GON4L: variants seen among roughly 807,000 people sequenced by gnomAD.
GON4L encodes the protein gon-4 like, also known as GON-4-like protein.
In GON4L, 87 loss-of-function variants were observed where a neutral mutation model predicts 211.8. The observed-to-expected ratio is 0.41, with a 90% CI of 0.35 to 0.49. The LOEUF is 0.49. Ranked by LOEUF, GON4L falls within the 20% of genes least tolerant of loss-of-function variation. The pLI is 0.15. For synonymous variants in GON4L, 875 were observed against 962.6 expected, an observed-to-expected ratio of 0.91 and a Z score of 1.68; for missense variants, 2,155 against 2,659.5, an observed-to-expected ratio of 0.81 and a Z score of 4.17.
chr1:155,852,791 G>A (rs1671927127), intron 2 of GON4L, among the ~76,000 whole-genome samples: 1 of 151,144 alleles, frequency 6.6e-6, no homozygotes, highest in Admixed American at 6.6e-5. Flanking sequence ...CGAATGGGAG[G>A]GGAAAAGAAA....
At chr1:155,829,541 A>C (rs1438594799) in intron 2 of GON4L, among the ~76,000 whole-genome samples, 1 of 151,946 alleles carries the variant, frequency 6.6e-6, no homozygotes, top group Non-Finnish European at 1.5e-5. Flanking sequence ...CAGAGGTTGC[A>C]GTGAGCCAAG....
chr1:155,745,691 A>T, downstream of GON4L: 1 of 753,290 alleles, frequency 1.3e-6, no homozygotes, highest in Non-Finnish European at 2.1e-6. Flanking sequence ...TCGGCGCATC[A>T]TTTCTCCAAT....
chr1:155,810,210 G>A (rs1667620121), intron 10 of GON4L, among the ~76,000 whole-genome samples: 2 of 150,894 alleles, frequency 1.3e-5, no homozygotes, highest in East Asian at 2.0e-4. Flanking sequence ...TGACCAGGCT[G>A]GTCTCAAACC....
chr1:155,801,112 C>CAAAAAAAAAAAAAAAAAAA (rs367752032), intron 11 of GON4L, among the ~76,000 whole-genome samples: 1 of 73,634 alleles, frequency 1.4e-5, no homozygotes, highest in African/African-American at 6.1e-5. Flanking sequence ...TGCTGCTGCT[C>CAAAAAAAAAAAAAAAAAAA]AAAAAAAAAA....
intron 20 of GON4L, chr1:155,766,996 A>T (rs1662574725): frequency 1.8e-6 from 1 of 548,808 alleles, no homozygotes; most frequent in African/African-American, 1.9e-5. Context: ...CGAGAAGCCG[A>T]GATCGCACCT....
chr1:155,748,537 A>G, downstream of GON4L: 2 of 1,613,784 alleles, frequency 1.2e-6, no homozygotes, highest in Admixed American at 3.3e-5. Flanking sequence ...AAAAGGTATG[A>G]AGCTTTGTGA....
chr1:155,819,483 T>C (rs1312384826), intron 6 of GON4L, among the ~76,000 whole-genome samples: 1 of 152,014 alleles, frequency 6.6e-6, no homozygotes, highest in East Asian at 1.9e-4. Flanking sequence ...CTTGAACTCC[T>C]GGCTTCAAGC....
In GON4L at chr1:155,797,315, A is replaced by C. The variant is rs1666161821; in HGVS notation, c.1646-2164T>G. Among the ~76,000 whole-genome samples, 4 of 151,578 alleles carry C rather than the reference A, an allele frequency of 2.6e-5. No homozygotes were observed. In the South Asian group the frequency reaches 8.3e-4, roughly 32 times the overall value. Reference sequence around the variant, plus strand: ...TTTTTAGTAGAGACGGCGTTTCACCATGTTGGTCAGGCTGGTCTCAAACTC... The same window carrying C: ...TTTTTAGTAGAGACGGCGTTTCACCCTGTTGGTCAGGCTGGTCTCAAACTC... On this transcript the variant is annotated intron_variant, in intron 11 of 31. Coordinates refer to ENST00000368331, the MANE Select transcript of GON4L (RefSeq NM_001282860.2).
chr1:155,756,222 T>C (rs1274129351), intron 27 of GON4L, among the ~76,000 whole-genome samples: 1 of 152,210 alleles, frequency 6.6e-6, no homozygotes, highest in African/African-American at 2.4e-5. Flanking sequence ...GCCTGACACT[T>C]TGTAATACAA....
At chr1:155,835,632 C>T (rs1267586019) in intron 2 of GON4L, among the ~76,000 whole-genome samples, 4 of 152,086 alleles carry the variant, frequency 2.6e-5, no homozygotes, top group Non-Finnish European at 5.9e-5. Context: ...TGCCTGGATA[C>T]TCTGGGTATT....
At position 155,766,643 on chromosome 1, in the gene GON4L, T is replaced by C. The variant is rs778382786; in HGVS notation, c.2830A>G (p.Met944Val). 1.2e-6 allele frequency: 2 copies of C among 1,614,178 alleles called. No individual in the cohort carries two copies. The highest frequency in any genetic ancestry group is 2.2e-5 in the South Asian group (2 of 91,074). The change falls in exon 21 of 32, where the codon ATG (methionine) becomes GTG (valine). Residue 944 changes from methionine (M) to valine (V), a missense_variant. By Grantham distance (21) the Met-to-Val change is conservative (BLOSUM62 1). Transcript: ENST00000368331. The stretch of plus-strand genomic sequence containing the variant: ...GAGTTGATCTCAGTGGTTCCAGTCA[T>C]ATTTCCTACCTCTCTAGCACCATCA... ...MADGAREVGN[M>V]TGTTEINSDR...
intron 8 of GON4L, 78 bp from the exon 9 acceptor site, chr1:155,814,527 G>A (rs903518441): frequency 7.0e-7 from 1 of 1,421,304 alleles, no homozygotes; most frequent in Non-Finnish European, 9.9e-7. Context: ...TCAAGAGAAG[G>A]AATCATAAAA....
At chr1:155,849,834 A>G (rs916543031) in intron 2 of GON4L, among the ~76,000 whole-genome samples, 5 of 150,938 alleles carry the variant, frequency 3.3e-5, no homozygotes, top group African/African-American at 9.7e-5. Context: ...TTGAATGTAC[A>G]TCTCTCCCGG....
At chr1:155,766,839 A>G in intron 20 of GON4L, 130 bp from the exon 21 acceptor site, 1 of 1,396,574 alleles carries the variant, frequency 7.2e-7, no homozygotes, top group East Asian at 2.3e-5. Context: ...TGAGGTCAGG[A>G]GTTCAGGATG....
In GON4L at chr1:155,775,530, C is replaced by T. The variant is rs567760456; in HGVS notation, c.2179-357G>A. ...AGCGTAGTGGTGCGATCTTGACTCA[C>T]TGAAGTCTCCACTTCCTGGGCTCAA... is the stretch of plus-strand genomic sequence containing the variant. On this transcript the variant is annotated intron_variant, in intron 16 of 31. Coordinates refer to ENST00000368331, the MANE Select transcript of GON4L (RefSeq NM_001282860.2). Among the ~76,000 whole-genome samples the T allele has an allele frequency of 1.9e-3, 296 of 151,854 alleles. 9 individuals are homozygous for T. The South Asian group carries it at 0.061, about 31-fold the overall frequency.
rs757066169 is a variant in GON4L, at chr1:155,766,556, A to G, written c.2917T>C (p.Leu973=). The G allele has an allele frequency of 2.5e-5, 41 of 1,613,994 alleles. No homozygotes were observed. The highest frequency in any genetic ancestry group is 3.3e-5 in the Non-Finnish European group (39 of 1,180,022). The change falls in exon 21 of 32, where the codon TTG becomes CTG. Residue 973 remains leucine (L), a synonymous_variant. Coordinates refer to ENST00000368331, the MANE Select transcript of GON4L (RefSeq NM_001282860.2). ...LGSESRYPLL[L]PKGVVLKLKP... Reference sequence around the variant, plus strand: ...AGTTTCAGGACTACACCCTTAGGCAATAGCAGTGGGTACCGAGATTCACTC... The same window carrying G: ...AGTTTCAGGACTACACCCTTAGGCAGTAGCAGTGGGTACCGAGATTCACTC...
intron 12 of GON4L, among the ~76,000 whole-genome samples, chr1:155,789,516 T>C (rs1665306177): frequency 6.6e-6 from 1 of 151,968 alleles, no homozygotes; most frequent in Admixed American, 6.6e-5. Flanking sequence ...TTGTGCACAC[T>C]TGTAATCTCA....
chr1:155,794,477 T>C (rs1484628038), intron 12 of GON4L, among the ~76,000 whole-genome samples: 3 of 152,226 alleles, frequency 2.0e-5, no homozygotes, highest in Non-Finnish European at 4.4e-5. Context: ...CCAAAGTACT[T>C]AGTATTTTCC....
At chr1:155,817,595 A>G (rs1158625069) in intron 6 of GON4L, among the ~76,000 whole-genome samples, 2 of 152,206 alleles carry the variant, frequency 1.3e-5, no homozygotes, top group Admixed American at 6.5e-5. Context: ...GCCAGCATTC[A>G]GAAGTGTGTT....
Sources: gnomAD v4.1 joint callset for allele counts (sites outside exome capture counted in the v4.1 genomes callset) on GRCh38, gnomAD v4.1.1 for gene constraint, MANE v1.5 for transcripts, NCBI Gene and HGNC (gene_info 2026-07-23, HGNC 2026-07-21) for gene names.